Variants in PRMT8 observed in about 807,000 individuals in gnomAD.
PRMT8 encodes protein arginine N-methyltransferase 8.
PRMT8 carries 7 observed loss-of-function variants against 47.1 expected under a neutral mutation model. The observed-to-expected ratio is 0.15, with a 90% confidence interval of 0.08 to 0.28. PRMT8 has a LOEUF of 0.28. Among genes scored for constraint, PRMT8 ranks in the 10% least tolerant of loss-of-function variants. The probability of loss-of-function intolerance (pLI) is 1.00; values close to 1 mark genes in which losing one functional copy is unlikely to be tolerated. For missense variants in PRMT8, 237 were observed against 505.4 expected, an observed-to-expected ratio of 0.47 and a Z score of 5.09; for synonymous variants, 188 against 186.5, an observed-to-expected ratio of 1.01 and a Z score of -0.07.
intron 1 of PRMT8, among the ~76,000 whole-genome samples, chr12:3,536,846 A>T (rs1037192558): frequency 2.0e-5 from 3 of 152,346 alleles, no homozygotes; most frequent in Admixed American, 1.3e-4. Flanking sequence ...CACTCTTCCC[A>T]TAATACCTTT....
At chr12:3,476,713 G>C (rs1172272936) in intron 1 of PRMT8, among the ~76,000 whole-genome samples, 1 of 152,224 alleles carries the variant, frequency 6.6e-6, no homozygotes, top group African/African-American at 2.4e-5. Context: ...CCAGTGGAAG[G>C]ATGCCTTCCC....
intron 1 of PRMT8, among the ~76,000 whole-genome samples, chr12:3,455,787 G>A (rs569726944): frequency 6.6e-6 from 1 of 152,190 alleles, no homozygotes; most frequent in South Asian, 2.1e-4. Flanking sequence ...GAAGGCAGGT[G>A]GACTTTATTT....
In PRMT8 at chr12:3,453,209, G is replaced by A. The variant is rs1163429254; in HGVS notation, c.48+71767G>A. Among the ~76,000 whole-genome samples, 1 of 152,140 alleles carries A rather than the reference G, an allele frequency of 6.6e-6. No homozygotes were observed. Among genetic ancestry groups the A allele is most frequent in the African/African-American group, 2.4e-5 (1 of 41,418 alleles). ...AAGAACCATGGAAGCTGCTGAAAGG[G>A]TGCAGGGAAGCCACGGTTCCTTCCC... On this transcript the variant is annotated intron_variant, in intron 1 of 9. Transcript: ENST00000452611. This position sits in a 1 kb window ranked among gnomAD's most constrained non-coding sequence, Gnocchi z 4.9.
In PRMT8 at chr12:3,496,214, A is replaced by ATATATATTT; in HGVS notation, c.75+4515_75+4516insATATATTTT. ...TTTGGAAACTGATATATATATATATATTTTTTTTTTTTTTTTTTTTTTTTT... is the reference window on the plus strand; with the variant it reads ...TTTGGAAACTGATATATATATATATATATATATTTTTTTTTTTTTTTTTTTTTTTTTTTT... On this transcript the variant is annotated intron_variant, in intron 1 of 9. Transcript: ENST00000382622. Among the ~76,000 whole-genome samples, 68 of 27,758 alleles carry ATATATATTT rather than the reference A, an allele frequency of 2.4e-3. 1 individual carries two copies. Among genetic ancestry groups the ATATATATTT allele is most frequent in the Non-Finnish European group, 4.0e-3 (51 of 12,626 alleles). 18.2% of individuals were successfully genotyped at this position (27,758 alleles called of 152,430 possible). A position where few individuals can be genotyped will look rare whatever the true frequency, so the allele number is the denominator to read the frequency against.
chr12:3,522,922 G>C (rs1284079508), intron 1 of PRMT8, among the ~76,000 whole-genome samples: 2 of 151,976 alleles, frequency 1.3e-5, no homozygotes, highest in African/African-American at 4.8e-5. Context: ...CTATAAGCAG[G>C]CTCCGTCATT....
intron 1 of PRMT8, among the ~76,000 whole-genome samples, chr12:3,478,521 C>T (rs1009353254): frequency 3.3e-5 from 5 of 152,174 alleles, no homozygotes; most frequent in Non-Finnish European, 5.9e-5. Flanking sequence ...TTGGCTTTCC[C>T]TCAGATGACA....
At chr12:3,418,466 C>G (rs1006347016) in intron 1 of PRMT8, among the ~76,000 whole-genome samples, 8 of 152,170 alleles carry the variant, frequency 5.3e-5, no homozygotes, top group Admixed American at 1.3e-4. Context: ...ACATGGGTGA[C>G]AGGATGGGCT....
chr12:3,577,376 T>C (rs959150203), intron 7 of PRMT8, among the ~76,000 whole-genome samples: 1 of 152,150 alleles, frequency 6.6e-6, no homozygotes, highest in Non-Finnish European at 1.5e-5. Context: ...CAGTATGCTG[T>C]GTAATCATCA....
At chr12:3,402,870 G>A (rs1156604978) in intron 1 of PRMT8, among the ~76,000 whole-genome samples, 1 of 152,192 alleles carries the variant, frequency 6.6e-6, no homozygotes, top group Non-Finnish European at 1.5e-5. Flanking sequence ...ACTGTTGGTC[G>A]AGTGTAAATT....
chr12:3,465,307 A>G (rs2137091059), intron 1 of PRMT8, among the ~76,000 whole-genome samples: 1 of 146,246 alleles, frequency 6.8e-6, no homozygotes, highest in African/African-American at 2.5e-5. Flanking sequence ...TAAAATATAT[A>G]TTATATATAC....
At chr12:3,432,067 CT>C (rs1565406089) in intron 1 of PRMT8, among the ~76,000 whole-genome samples, 1 of 152,046 alleles carries the variant, frequency 6.6e-6, no homozygotes, top group East Asian at 1.9e-4. Flanking sequence ...CCAAGTCCCC[CT>C]AGAAGGGGTT....
At chr12:3,410,729 G>A (rs1032357514) in intron 1 of PRMT8, among the ~76,000 whole-genome samples, 15 of 152,144 alleles carry the variant, frequency 9.9e-5, no homozygotes, top group Non-Finnish European at 1.8e-4. Flanking sequence ...GGCTGGTCTC[G>A]AACTCCTGAC....
chr12:3,538,590 G>T lies in PRMT8; in HGVS notation c.76-2016G>T. 1.9e-6 allele frequency: 1 copy of T among 518,786 alleles called. No homozygotes were observed. The highest frequency in any genetic ancestry group is 3.9e-6 in the Non-Finnish European group (1 of 259,738). The allele number at this position is 518,786 out of a possible 1,614,324, so 32.1% of individuals were successfully genotyped here. The stretch of plus-strand genomic sequence containing the variant: ...CAGCTAAGGGGTGCTGGAGGCCCCT[G>T]TGACCTTGACCATGCACAATGCCCA... On this transcript the variant is annotated intron_variant, in intron 1 of 9. Coordinates refer to ENST00000382622, the MANE Select transcript of PRMT8 (RefSeq NM_019854.5). This position sits in a 1 kb window ranked among gnomAD's most constrained non-coding sequence, Gnocchi z 4.6.
At chr12:3,455,261 A>G (rs1186585798) in intron 1 of PRMT8, among the ~76,000 whole-genome samples, 4 of 152,220 alleles carry the variant, frequency 2.6e-5, no homozygotes, top group Non-Finnish European at 2.9e-5. Flanking sequence ...TGTTGGTCCT[A>G]TAACACCAGT....
At chr12:3,532,632 A>G (rs2137155309) in intron 1 of PRMT8, among the ~76,000 whole-genome samples, 1 of 150,282 alleles carries the variant, frequency 6.7e-6, no homozygotes, top group African/African-American at 2.4e-5. Context: ...AAAAAAAAAA[A>G]AAAAAAAAAG....
At chr12:3,474,810 A>G (rs1164224896) in intron 1 of PRMT8, among the ~76,000 whole-genome samples, 1 of 152,200 alleles carries the variant, frequency 6.6e-6, no homozygotes, top group East Asian at 1.9e-4. Context: ...CCTCAAGGGT[A>G]GGAATCATGT....
chr12:3,514,586 G>A lies in PRMT8; in HGVS notation c.75+22886G>A, dbSNP rs528422003. 7.9e-5 allele frequency among the ~76,000 whole-genome samples: 12 copies of A among 152,260 alleles called. No individual in the cohort carries two copies. The South Asian group carries it at 2.5e-3, about 32-fold the overall frequency. ...CTGAGTGTGCCAGCATCCCACATGT[G>A]CCCTTCCAGTTCACTCTGCACCTGT... is the stretch of plus-strand genomic sequence containing the variant. On this transcript the variant is annotated intron_variant, in intron 1 of 9. Transcript: ENST00000382622. This position sits in a 1 kb window ranked among gnomAD's most constrained non-coding sequence, Gnocchi z 5.9.
chr12:3,584,664 A>C (rs1402409770), intron 8 of PRMT8, among the ~76,000 whole-genome samples: 1 of 152,236 alleles, frequency 6.6e-6, no homozygotes, highest in East Asian at 1.9e-4. Flanking sequence ...TATTATTATT[A>C]ATGATTTCTT....
intron 1 of PRMT8, among the ~76,000 whole-genome samples, chr12:3,478,457 G>A (rs1237342921): frequency 1.3e-5 from 2 of 152,156 alleles, no homozygotes; most frequent in Non-Finnish European, 2.9e-5. Flanking sequence ...TTCATTTCTG[G>A]TTGTGACTGC....
Sources: gnomAD v4.1 joint callset for allele counts (sites outside exome capture counted in the v4.1 genomes callset) on GRCh38, gnomAD v4.1.1 for gene constraint, Gnocchi (gnomAD v3.1) non-coding constraint, MANE v1.5 for transcripts, NCBI Gene and HGNC (gene_info 2026-07-23, HGNC 2026-07-21) for gene names.